Variants in UGGT2 observed in about 807,000 individuals in gnomAD.
UGGT2 encodes UDP-glucose:glycoprotein glucosyltransferase 2.
Under a neutral mutation model 192.1 loss-of-function variants are expected in UGGT2, and 180 were observed. The ratio of observed to expected loss-of-function variants is 0.94; its 90% CI spans 0.83 to 1.06. UGGT2 has a LOEUF of 1.06. Among genes scored for constraint, UGGT2 ranks in the 50% least tolerant of loss-of-function variants. The pLI is 0.00. For missense variants in UGGT2, 1,849 were observed against 1,795.7 expected (o/e 1.03, Z -0.54); for synonymous variants, 580 against 591.0 (o/e 0.98, Z 0.27).
At chr13:95,815,251 A>G (rs1594057798) in intron 38 of UGGT2, among the ~76,000 whole-genome samples, 2 of 152,326 alleles carry the variant, frequency 1.3e-5, no homozygotes, top group Middle Eastern at 6.8e-3. Context: ...TACTATGAAG[A>G]CTGGAAAGGA....
At chr13:95,943,082 A>G (rs2049744765) in intron 15 of UGGT2, among the ~76,000 whole-genome samples, 1 of 152,100 alleles carries the variant, frequency 6.6e-6, no homozygotes, top group South Asian at 2.1e-4. Context: ...TTTGATAGAT[A>G]TGTCTTTCCC....
chr13:95,924,807 A>C (rs2048968883), intron 20 of UGGT2, among the ~76,000 whole-genome samples: 15 of 152,188 alleles, frequency 9.9e-5, no homozygotes, highest in Admixed American at 9.8e-4. Context: ...AAGCCAGTGA[A>C]ACACTGAGGA....
chr13:95,872,455 A>G (rs1891303309), intron 29 of UGGT2, among the ~76,000 whole-genome samples: 3 of 152,330 alleles, frequency 2.0e-5, no homozygotes, highest in African/African-American at 7.2e-5. Context: ...ATTTTTCCTA[A>G]TTATAAAGGT....
intron 6 of UGGT2, among the ~76,000 whole-genome samples, chr13:95,997,031 G>C (rs1459164687): frequency 1.3e-5 from 2 of 152,104 alleles, no homozygotes. Flanking sequence ...GAGTTTATCA[G>C]AGCTCAGCAA....
intron 15 of UGGT2, among the ~76,000 whole-genome samples, chr13:95,940,391 T>C (rs1343266970): frequency 1.3e-5 from 2 of 151,724 alleles, no homozygotes; most frequent in Non-Finnish European, 2.9e-5. Context: ...GTATAATATA[T>C]TCTAATATGA....
intron 33 of UGGT2, among the ~76,000 whole-genome samples, chr13:95,858,301 C>T (rs961763966): frequency 2.0e-5 from 3 of 151,878 alleles, no homozygotes; most frequent in African/African-American, 7.3e-5. Context: ...AGAATGTCTA[C>T]GTTTACCTGC....
chr13:96,006,256 T>C (rs1334152276), intron 5 of UGGT2, among the ~76,000 whole-genome samples: 5 of 152,088 alleles, frequency 3.3e-5, no homozygotes, highest in Admixed American at 6.5e-5. Flanking sequence ...ATGGCAATGA[T>C]AGAAATTAAA....
intron 12 of UGGT2, among the ~76,000 whole-genome samples, chr13:95,959,558 C>T (rs1045708798): frequency 3.9e-5 from 6 of 152,176 alleles, no homozygotes; most frequent in Non-Finnish European, 7.3e-5. Flanking sequence ...CAATCCATTA[C>T]CATTGGCATC....
intron 36 of UGGT2, among the ~76,000 whole-genome samples, chr13:95,848,768 TC>T (rs1888724552): frequency 6.6e-6 from 1 of 152,218 alleles, no homozygotes; most frequent in Admixed American, 6.5e-5. Flanking sequence ...CTTTTCCTTT[TC>T]TATATAAACT....
intron 38 of UGGT2, among the ~76,000 whole-genome samples, chr13:95,815,503 T>C (rs747009958): frequency 1.3e-5 from 2 of 152,176 alleles, no homozygotes; most frequent in Non-Finnish European, 2.9e-5. Context: ...AGTTATAAAA[T>C]TCTTAGTAAA....
chr13:96,023,240 A>C, intron 3 of UGGT2, 88 bp from the exon 4 acceptor site: 1 of 1,051,296 alleles, frequency 9.5e-7, no homozygotes, highest in Non-Finnish European at 1.3e-6. Context: ...GATTAAAATA[A>C]CTCATCAACT....
intron 19 of UGGT2, among the ~76,000 whole-genome samples, chr13:95,926,722 T>C (rs898816431): frequency 1.3e-4 from 20 of 152,178 alleles, no homozygotes; most frequent in African/African-American, 4.1e-4. Context: ...TTCTCTGATC[T>C]GGTAATTGTA....
At chr13:95,982,913 T>G (rs1218909364) in intron 10 of UGGT2, among the ~76,000 whole-genome samples, 1 of 152,224 alleles carries the variant, frequency 6.6e-6, no homozygotes, top group African/African-American at 2.4e-5. Flanking sequence ...GAACTATGCA[T>G]CTTTTTCTTC....
At chr13:95,933,164 T>C (rs1025820766) in intron 17 of UGGT2, among the ~76,000 whole-genome samples, 2 of 152,198 alleles carry the variant, frequency 1.3e-5, no homozygotes, top group African/African-American at 4.8e-5. Context: ...TTGGTAACAG[T>C]TCTTCTTTAT....
At chr13:95,922,281 G>C (rs1185734877) in intron 20 of UGGT2, among the ~76,000 whole-genome samples, 1 of 152,198 alleles carries the variant, frequency 6.6e-6, no homozygotes, top group Admixed American at 6.5e-5. Context: ...TATGGGAGTA[G>C]ACACTGGGGA....
At chr13:95,944,486 T>C (rs2049798156) in intron 15 of UGGT2, among the ~76,000 whole-genome samples, 1 of 152,050 alleles carries the variant, frequency 6.6e-6, no homozygotes, top group South Asian at 2.1e-4. Flanking sequence ...AGTAATGATG[T>C]ACCCATCTCT....
rs770566474 is a variant in UGGT2, at chr13:95,947,029, A to C, written c.1677+8T>G. 3.8e-6 allele frequency: 6 copies of C among 1,567,880 alleles called. No homozygotes were observed. Among genetic ancestry groups the C allele is most frequent in the Non-Finnish European group, 5.2e-6 (6 of 1,162,342 alleles). ...TCTAAACAAATCACATTTAGTGCATAAACTCACGTGTACTATAGAAATAAA... is the reference window on the plus strand; with the variant it reads ...TCTAAACAAATCACATTTAGTGCATCAACTCACGTGTACTATAGAAATAAA... On this transcript the variant is annotated splice_region_variant and intron_variant, in intron 15 of 38. Coordinates refer to ENST00000376747, the MANE Select transcript of UGGT2 (RefSeq NM_020121.4).
intron 10 of UGGT2, among the ~76,000 whole-genome samples, chr13:95,976,212 C>T (rs944670213): frequency 6.6e-6 from 1 of 152,252 alleles, no homozygotes; most frequent in African/African-American, 2.4e-5. Flanking sequence ...GCTTATTTCA[C>T]TTAACATAAT....
At chr13:95,826,307 T>C (rs1010122763) in intron 38 of UGGT2, among the ~76,000 whole-genome samples, 3 of 152,134 alleles carry the variant, frequency 2.0e-5, no homozygotes, top group Admixed American at 2.0e-4. Context: ...GAAAAAGGCC[T>C]ACTACCACCA....
Sources: gnomAD v4.1 joint callset for allele counts (sites outside exome capture counted in the v4.1 genomes callset) on GRCh38, gnomAD v4.1.1 for gene constraint, MANE v1.5 for transcripts, NCBI Gene and HGNC (gene_info 2026-07-23, HGNC 2026-07-21) for gene names.